DERA: variants seen among roughly 807,000 people sequenced by gnomAD.
DERA encodes the protein 2-deoxy-D-ribose 5-phosphate aldolase.
A neutral mutation model predicts 41.1 loss-of-function variants in DERA; 15 were observed. The observed-to-expected ratio is 0.37, with a 90% CI of 0.24 to 0.56. The LOEUF is 0.56. DERA is among the 20% of genes least tolerant of loss of function. The pLI is 0.81. For missense variants in DERA, 396 were observed against 403.4 expected (o/e 0.98, Z 0.16); for synonymous variants, 139 against 137.4 (o/e 1.01, Z -0.08).
At chr12:15,949,544 C>T (rs562506344) in intron 1 of DERA, among the ~76,000 whole-genome samples, 26 of 152,264 alleles carry the variant, frequency 1.7e-4, no homozygotes, top group Middle Eastern at 3.4e-3. Flanking sequence ...TAAGACGATT[C>T]GAAAAGCACA....
chr12:15,953,296 G>A (rs79887403), intron 1 of DERA, among the ~76,000 whole-genome samples: 3,411 of 152,226 alleles, frequency 0.022, 63 homozygotes, highest in Non-Finnish European at 0.035. Context: ...TAGAAAAAGC[G>A]CCTCCTTTTG....
Position 15,918,222 on chromosome 12 carries a change from C to T in DERA, c.31+6808C>T, listed in dbSNP as rs1436734204. 6.6e-6 allele frequency among the ~76,000 whole-genome samples: 1 copy of T among 152,210 alleles called. No homozygotes were observed. Among genetic ancestry groups the T allele is most frequent in the East Asian group, 1.9e-4 (1 of 5,174 alleles). On this transcript the variant is annotated intron_variant, in intron 1 of 8. Coordinates refer to ENST00000428559, the MANE Select transcript of DERA (RefSeq NM_015954.4). This position sits in a 1 kb window ranked among gnomAD's most constrained non-coding sequence, Gnocchi z 4.3. ...CATCCCGCTGGTGCTTGGTCCCCCA[C>T]AGCAGGCTGCTGCCTACACAAATCT... is the stretch of plus-strand genomic sequence containing the variant.
At position 15,954,723 on chromosome 12, in the gene DERA, C is replaced by G. The variant is rs1948524425; in HGVS notation, c.32-2213C>G. Among the ~76,000 whole-genome samples, 1 of 152,130 alleles carries G rather than the reference C, an allele frequency of 6.6e-6. No individual in the cohort carries two copies. Among genetic ancestry groups the G allele is most frequent in the Admixed American group, 6.5e-5 (1 of 15,270 alleles). ...GCTTGTGTTTGCCTGAGACCCCTCTCCAACAGTGGTGCCAGTGTTTCCAGT... is the reference window on the plus strand; with the variant it reads ...GCTTGTGTTTGCCTGAGACCCCTCTGCAACAGTGGTGCCAGTGTTTCCAGT... On this transcript the variant is annotated intron_variant, in intron 1 of 8. Transcript: ENST00000428559. The surrounding 1 kb of genome is among the most constrained non-coding windows in gnomAD (Gnocchi z 4.0).
At chr12:15,962,433 C>A (rs1331239554) in intron 4 of DERA, among the ~76,000 whole-genome samples, 1 of 152,180 alleles carries the variant, frequency 6.6e-6, no homozygotes, top group African/African-American at 2.4e-5. Flanking sequence ...GGACCCAGAA[C>A]TAGTGTGCTA....
intron 1 of DERA, 99 bp from the exon 2 acceptor site, chr12:15,956,837 G>A: frequency 1.1e-6 from 1 of 900,166 alleles, no homozygotes; most frequent in Non-Finnish European, 1.9e-6. Context: ...AAAGGTTGAT[G>A]TCAAATGATA....
intron 6 of DERA, among the ~76,000 whole-genome samples, chr12:16,029,568 G>T (rs1049136165): frequency 2.7e-5 from 4 of 150,092 alleles, no homozygotes; most frequent in Non-Finnish European, 4.5e-5. Context: ...AAATACTGTA[G>T]TTTTTTTTTT....
chr12:15,917,420 AT>A (rs1027443059), intron 1 of DERA, among the ~76,000 whole-genome samples: 9 of 152,116 alleles, frequency 5.9e-5, no homozygotes, highest in African/African-American at 1.9e-4. Context: ...TCTGAATCTA[AT>A]TTTTTTCTCT....
intron 6 of DERA, among the ~76,000 whole-genome samples, chr12:16,023,099 C>A (rs1050610307): frequency 6.6e-6 from 1 of 152,080 alleles, no homozygotes; most frequent in Non-Finnish European, 1.5e-5. Flanking sequence ...AGTTACAGCC[C>A]AGGGACACAG....
In DERA at chr12:15,992,401, G is replaced by A. The variant is rs1183821480; in HGVS notation, c.637+9965G>A. On this transcript the variant is annotated intron_variant, in intron 6 of 8. Coordinates refer to ENST00000428559, the MANE Select transcript of DERA (RefSeq NM_015954.4). This position sits in a 1 kb window ranked among gnomAD's most constrained non-coding sequence, Gnocchi z 4.3. ...TTAACAAGGATATTGTATTTCTAAA[G>A]CAATGTAAGGTATGACAAGGATATT... 6.6e-6 allele frequency among the ~76,000 whole-genome samples: 1 copy of A among 152,092 alleles called. No individual in the cohort carries two copies. Among genetic ancestry groups the A allele is most frequent in the South Asian group, 2.1e-4 (1 of 4,834 alleles).
chr12:15,918,317 C>G lies in DERA; in HGVS notation c.31+6903C>G, dbSNP rs1329045301. Among the ~76,000 whole-genome samples, 1 of 152,142 alleles carries G rather than the reference C, an allele frequency of 6.6e-6. No homozygotes were observed. Among genetic ancestry groups the G allele is most frequent in the Non-Finnish European group, 1.5e-5 (1 of 68,036 alleles). ...CCTCGCCTCCCTCTGCAGGTGGATA[C>G]CCTCCTTACCCTGCTTGCGCTTCCA... On this transcript the variant is annotated intron_variant, in intron 1 of 8. Coordinates refer to ENST00000428559, the MANE Select transcript of DERA (RefSeq NM_015954.4). This position sits in a 1 kb window ranked among gnomAD's most constrained non-coding sequence, Gnocchi z 4.3.
At chr12:15,914,590 C>T (rs1336984814) in intron 1 of DERA, among the ~76,000 whole-genome samples, 1 of 152,030 alleles carries the variant, frequency 6.6e-6, no homozygotes, top group African/African-American at 2.4e-5. Context: ...TCAGAGCTAT[C>T]TCAAGAAGCC....
Position 16,015,169 on chromosome 12 carries a change from G to A in DERA, c.638-17373G>A, listed in dbSNP as rs553702079. Among the ~76,000 whole-genome samples the A allele has an allele frequency of 8.5e-5, 13 of 152,240 alleles. No homozygotes were observed. In the South Asian group the frequency reaches 1.9e-3, roughly 22 times the overall value. On this transcript the variant is annotated intron_variant, in intron 6 of 8. Coordinates refer to ENST00000428559, the MANE Select transcript of DERA (RefSeq NM_015954.4). ...AACTGGAATGAATTAAAACTTCGGG[G>A]GACTGTCGAGAAGGCATGATTGGTT...
Position 16,026,272 on chromosome 12 carries a change from A to T in DERA, c.638-6270A>T, listed in dbSNP as rs1298991920. 6.6e-6 allele frequency among the ~76,000 whole-genome samples: 1 copy of T among 151,720 alleles called. No individual in the cohort carries two copies. The highest frequency in any genetic ancestry group is 1.5e-5 in the Non-Finnish European group (1 of 67,820). The stretch of plus-strand genomic sequence containing the variant: ...GCTACTTTTTTTTTTCTCCCCCCGT[A>T]AGATTGGTAAACAGCTAGCTAGGCT... On this transcript the variant is annotated intron_variant, in intron 6 of 8. Coordinates refer to ENST00000428559, the MANE Select transcript of DERA (RefSeq NM_015954.4). The surrounding 1 kb of genome is among the most constrained non-coding windows in gnomAD (Gnocchi z 4.4).
chr12:15,948,317 C>T (rs923611693), intron 1 of DERA, among the ~76,000 whole-genome samples: 1 of 152,206 alleles, frequency 6.6e-6, no homozygotes, highest in African/African-American at 2.4e-5. Flanking sequence ...TGGTTCCATT[C>T]TCCCCATCAC....
intron 1 of DERA, among the ~76,000 whole-genome samples, chr12:15,923,278 T>C (rs916956555): frequency 1.1e-4 from 17 of 151,980 alleles, no homozygotes; most frequent in Admixed American, 8.5e-4. Flanking sequence ...CGCCTCGGCC[T>C]CCCAAAGTGC....
Position 15,989,945 on chromosome 12 carries a change from A to G in DERA, c.637+7509A>G, listed in dbSNP as rs774915868. Among the ~76,000 whole-genome samples, 1 of 152,216 alleles carries G rather than the reference A, an allele frequency of 6.6e-6. No individual in the cohort carries two copies. Among genetic ancestry groups the G allele is most frequent in the Non-Finnish European group, 1.5e-5 (1 of 68,032 alleles). On this transcript the variant is annotated intron_variant, in intron 6 of 8. Transcript: ENST00000428559. This position sits in a 1 kb window ranked among gnomAD's most constrained non-coding sequence, Gnocchi z 5.2. Reference sequence around the variant, plus strand: ...TTTTAGAGCAAGGAACACAGTCAGAAGACCAGAACTCTTGTTCTGTCTTGC... The same window carrying G: ...TTTTAGAGCAAGGAACACAGTCAGAGGACCAGAACTCTTGTTCTGTCTTGC...
Position 15,957,353 on chromosome 12 carries a change from T to C in DERA, c.129+320T>C, listed in dbSNP as rs1948547913. On this transcript the variant is annotated intron_variant, in intron 2 of 8. Transcript: ENST00000428559. This position sits in a 1 kb window ranked among gnomAD's most constrained non-coding sequence, Gnocchi z 4.8. ...TTTAGACATGCCTTCTTTGGTTGTCTTCTGTTTTAATTTTAAAGCCCTAAC... is the reference window on the plus strand; with the variant it reads ...TTTAGACATGCCTTCTTTGGTTGTCCTCTGTTTTAATTTTAAAGCCCTAAC... 6.6e-6 allele frequency among the ~76,000 whole-genome samples: 1 copy of C among 152,246 alleles called. No homozygotes were observed. Among genetic ancestry groups the C allele is most frequent in the African/African-American group, 2.4e-5 (1 of 41,468 alleles).
chr12:15,933,099 T>C (rs1948341120), intron 1 of DERA, among the ~76,000 whole-genome samples: 1 of 152,224 alleles, frequency 6.6e-6, no homozygotes. Context: ...TTCCTTATCT[T>C]GGCTATGGTG....
In DERA at chr12:15,975,448, G is replaced by A. The variant is rs187772742; in HGVS notation, c.509-6860G>A. Among the ~76,000 whole-genome samples the A allele has an allele frequency of 6.1e-3, 924 of 152,310 alleles. 10 individuals are homozygous for A. The highest frequency in any genetic ancestry group is 0.014 in the Middle Eastern group (4 of 294). ...TGATCTTAGGAGCAGTTTAGGGAGG[G>A]TGAGAATCTTGCAGCCCCTAGCTGC... is the stretch of plus-strand genomic sequence containing the variant. On this transcript the variant is annotated intron_variant, in intron 5 of 8. Coordinates refer to ENST00000428559, the MANE Select transcript of DERA (RefSeq NM_015954.4).
Sources: allele counts gnomAD v4.1 joint callset (sites outside exome capture counted in the v4.1 genomes callset), GRCh38; gene constraint gnomAD v4.1.1; non-coding constraint Gnocchi (gnomAD v3.1); transcripts MANE v1.5; gene names NCBI Gene and HGNC (gene_info 2026-07-23, HGNC 2026-07-21).